The following C12orf75 variants were observed in gnomAD, a reference collection of about 807,000 sequenced individuals.
The protein encoded by C12orf75 is overexpressed in colon carcinoma 1 protein.
In C12orf75, 4 loss-of-function variants were observed where a neutral mutation model predicts 11.4. That is an observed-to-expected ratio of 0.35 (90% CI 0.17 to 0.80). The LOEUF (loss-of-function observed/expected upper bound fraction) is 0.80. Ranked by LOEUF, C12orf75 falls within the 30% of genes least tolerant of loss-of-function variation. C12orf75 has a pLI of 0.52. For synonymous variants in C12orf75, 30 were observed against 30.0 expected (o/e 1.00, Z 0.00); for missense variants, 89 against 80.4 (o/e 1.11, Z -0.41).
At chr12:105,359,677 AG>A (rs1246507118) in intron 2 of C12orf75, among the ~76,000 whole-genome samples, 1 of 150,176 alleles carries the variant, frequency 6.7e-6, no homozygotes, top group Non-Finnish European at 1.5e-5. Context: ...AGGCTGAGGT[AG>A]GAGAATCGTT....
chr12:105,369,449 AT>A (rs1415462297), intron 5 of C12orf75, among the ~76,000 whole-genome samples: 3 of 149,528 alleles, frequency 2.0e-5, no homozygotes, highest in African/African-American at 7.4e-5. Context: ...ACTTATTTTT[AT>A]TTTTATTTTA....
chr12:105,365,824 CAG>C lies in C12orf75; in HGVS notation c.91_92del (p.Glu31ArgfsTer2). 6.5e-7 allele frequency: 1 copy of C among 1,549,310 alleles called. No individual in the cohort carries two copies. Among genetic ancestry groups the C allele is most frequent in the Non-Finnish European group, 8.7e-7 (1 of 1,144,826 alleles). On this transcript the variant is annotated frameshift_variant, in exon 3 of 6. Coordinates refer to ENST00000443585, the MANE Select transcript of C12orf75 (RefSeq NM_001145199.2). LOFTEE classifies it high-confidence loss of function. ...CCTTTTAGAACAGAAGAATCCGTAA[CAG>C]AAGATGACAAGAGGAGGTATGTTTG... is the stretch of plus-strand genomic sequence containing the variant.
rs1376965395 is a variant in C12orf75, at chr12:105,370,644, A to T, written c.*44A>T. On this transcript the variant is annotated 3_prime_UTR_variant, in exon 6 of 6. Coordinates refer to ENST00000443585, the MANE Select transcript of C12orf75 (RefSeq NM_001145199.2). The stretch of plus-strand genomic sequence containing the variant: ...CTGTTGTCTCCTTAGCTTGCTCATC[A>T]GTTTGGAAGGAATTTGGCTCCGTGG... The T allele has an allele frequency of 2.2e-6, 1 of 457,588 alleles. No homozygotes were observed. 28.3% of individuals were successfully genotyped at this position (457,588 alleles called of 1,614,324 possible). A position where few individuals can be genotyped will look rare whatever the true frequency, so the allele number is the denominator to read the frequency against.
At chr12:105,333,612 C>T (rs2136138927) in intron 1 of C12orf75, among the ~76,000 whole-genome samples, 1 of 152,210 alleles carries the variant, frequency 6.6e-6, no homozygotes, top group Non-Finnish European at 1.5e-5. Flanking sequence ...TGGTGCTGTG[C>T]TGTTTGCATT....
Position 105,370,796 on chromosome 12 carries a change from A to G in C12orf75, c.*196A>G, listed in dbSNP as rs1156733023. On this transcript the variant is annotated 3_prime_UTR_variant, in exon 6 of 6. Transcript: ENST00000443585. Reference sequence around the variant, plus strand: ...CATATTGTTGTGGTAATAGAAGGGAATTGGTTAAACAGTACACTTGTTTAT... The same window carrying G: ...CATATTGTTGTGGTAATAGAAGGGAGTTGGTTAAACAGTACACTTGTTTAT... 2 of 451,528 alleles carry G rather than the reference A, an allele frequency of 4.4e-6. No individual in the cohort carries two copies. Among genetic ancestry groups the G allele is most frequent in the Non-Finnish European group, 9.0e-6 (2 of 223,050 alleles). The allele number at this position is 451,528 out of a possible 1,614,324, so 28.0% of individuals were successfully genotyped here.
chr12:105,354,866 A>C (rs1272351985), intron 2 of C12orf75, among the ~76,000 whole-genome samples: 3 of 152,176 alleles, frequency 2.0e-5, no homozygotes, highest in Admixed American at 6.5e-5. Context: ...GAGAGAGGGA[A>C]GGGAAACACG....
rs749804855 is a variant in C12orf75, at chr12:105,371,342, A to G, written c.*742A>G. ...CATAGCTGTTTGGGTTGCTCATTCT[A>G]CATCACGACAATCTCATCATATTAT... is the stretch of plus-strand genomic sequence containing the variant. On this transcript the variant is annotated 3_prime_UTR_variant, in exon 6 of 6. Coordinates refer to ENST00000443585, the MANE Select transcript of C12orf75 (RefSeq NM_001145199.2). 1.6e-4 allele frequency: 25 copies of G among 152,304 alleles called. No homozygotes were observed. Among genetic ancestry groups the G allele is most frequent in the Non-Finnish European group, 2.5e-4 (17 of 68,092 alleles). 9.4% of individuals were successfully genotyped at this position (152,304 alleles called of 1,614,324 possible).
intron 2 of C12orf75, among the ~76,000 whole-genome samples, chr12:105,364,028 A>G (rs139519178): frequency 1.3e-5 from 2 of 152,356 alleles, no homozygotes; most frequent in East Asian, 3.9e-4. Flanking sequence ...CAAAAGGGGA[A>G]AGAATTAAAA....
chr12:105,342,420 C>T (rs1223047558), intron 1 of C12orf75, among the ~76,000 whole-genome samples: 2 of 152,200 alleles, frequency 1.3e-5, no homozygotes, highest in Non-Finnish European at 2.9e-5. Context: ...CATAAAGGCC[C>T]TCACCAGATG....
At chr12:105,358,194 T>C (rs569016058) in intron 2 of C12orf75, among the ~76,000 whole-genome samples, 5 of 152,144 alleles carry the variant, frequency 3.3e-5, no homozygotes, top group Non-Finnish European at 5.9e-5. Flanking sequence ...ACATGTTCTA[T>C]GGTTCTTAGG....
At chr12:105,358,987 T>A (rs932208590) in intron 2 of C12orf75, among the ~76,000 whole-genome samples, 1 of 152,182 alleles carries the variant, frequency 6.6e-6, no homozygotes, top group African/African-American at 2.4e-5. Flanking sequence ...CCCCTTTCAC[T>A]TCTCTAATGG....
intron 1 of C12orf75, 127 bp from the exon 2 acceptor site, chr12:105,348,475 G>A: frequency 2.0e-6 from 1 of 488,894 alleles, no homozygotes; most frequent in Non-Finnish European, 3.4e-6. Context: ...TCCTTTCTCT[G>A]TTTTTGAAAA....
chr12:105,356,439 CTTTTTTTT>C, intron 2 of C12orf75, among the ~76,000 whole-genome samples: 1 of 106,322 alleles, frequency 9.4e-6, no homozygotes, highest in East Asian at 2.6e-4. Flanking sequence ...AGACTACAGG[CTTTTTTTT>C]TTTTTTTTTT....
At chr12:105,367,035 A>G (rs542067994) in intron 4 of C12orf75, among the ~76,000 whole-genome samples, 1 of 152,358 alleles carries the variant, frequency 6.6e-6, no homozygotes, top group South Asian at 2.1e-4. Flanking sequence ...GTAATATAAG[A>G]TGACTGACTG....
chr12:105,344,212 T>A (rs941721988), intron 1 of C12orf75, among the ~76,000 whole-genome samples: 2 of 152,232 alleles, frequency 1.3e-5, no homozygotes, highest in African/African-American at 4.8e-5. Context: ...TTACTGTGCT[T>A]TGCCTTCCTA....
At chr12:105,365,964 A>G (rs925005733) in intron 3 of C12orf75, 122 bp downstream of exon 3, 38 of 744,664 alleles carry the variant, frequency 5.1e-5, no homozygotes, top group Non-Finnish European at 8.3e-5. Flanking sequence ...GGCACAGAGA[A>G]TACAGGTAGG....
chr12:105,365,625 G>T (rs546076664), intron 2 of C12orf75, among the ~76,000 whole-genome samples, 182 bp from the exon 3 acceptor site: 81 of 152,312 alleles, frequency 5.3e-4, no homozygotes, highest in African/African-American at 1.7e-3. Context: ...GAATGATTGA[G>T]GTGAAGGCAG....
intron 2 of C12orf75, among the ~76,000 whole-genome samples, chr12:105,361,514 G>A (rs1592884467): frequency 6.6e-6 from 1 of 152,128 alleles, no homozygotes; most frequent in Admixed American, 6.6e-5. Context: ...ACGACCTTTA[G>A]GGAAATGAGT....
intron 1 of C12orf75, among the ~76,000 whole-genome samples, chr12:105,346,895 G>A (rs1036764754): frequency 2.0e-5 from 3 of 151,928 alleles, no homozygotes; most frequent in African/African-American, 2.4e-5. Context: ...AATATATATC[G>A]AAATTGAAAT....
Sources: allele counts gnomAD v4.1 joint callset (sites outside exome capture counted in the v4.1 genomes callset), GRCh38; gene constraint gnomAD v4.1.1; transcripts MANE v1.5; gene names NCBI Gene and HGNC (gene_info 2026-07-23, HGNC 2026-07-21).